Variants in PCSK2 observed in about 807,000 individuals in gnomAD.
The protein encoded by PCSK2 is proprotein convertase subtilisin/kexin type 2, also known as neuroendocrine convertase 2.
PCSK2 carries 14 observed loss-of-function variants against 69.7 expected under a neutral mutation model. That is an observed-to-expected ratio of 0.20 (90% CI 0.13 to 0.31). The LOEUF is 0.31. Ranked by LOEUF, PCSK2 falls within the 10% of genes least tolerant of loss-of-function variation. PCSK2 has a pLI of 1.00. For missense variants in PCSK2, 544 were observed against 842.5 expected (o/e 0.65, Z 4.39); for synonymous variants, 307 against 320.7 (o/e 0.96, Z 0.46).
intron 2 of PCSK2, among the ~76,000 whole-genome samples, chr20:17,349,691 C>T (rs915507971): frequency 6.6e-6 from 1 of 152,202 alleles, no homozygotes; most frequent in Non-Finnish European, 1.5e-5. Flanking sequence ...ATAATAAAGG[C>T]AAGGTATCTT....
At chr20:17,298,856 T>C (rs758822424) in intron 2 of PCSK2, among the ~76,000 whole-genome samples, 2 of 152,180 alleles carry the variant, frequency 1.3e-5, no homozygotes, top group Admixed American at 6.5e-5. Flanking sequence ...AATATTTTTC[T>C]TGTAGATGTT....
At chr20:17,303,736 C>A (rs888214375) in intron 2 of PCSK2, among the ~76,000 whole-genome samples, 3 of 146,806 alleles carry the variant, frequency 2.0e-5, no homozygotes, top group African/African-American at 7.5e-5. Context: ...GCCACCCCAC[C>A]CATCTAATTT....
Position 17,260,363 on chromosome 20 carries a change from C to A in PCSK2, c.282+19C>A. 1.3e-6 allele frequency: 2 copies of A among 1,532,428 alleles called. No individual in the cohort carries two copies. The highest frequency in any genetic ancestry group is 1.1e-5 in the South Asian group (1 of 89,444). The allele number at this position is 1,532,428 out of a possible 1,614,324, so 94.9% of individuals were successfully genotyped here. ...CCCCAGGGTGAGTTTTCCCCAGAAA[C>A]CTGCCTCCCAATCTCTGCTGCCATG... On this transcript the variant is annotated intron_variant, in intron 2 of 11. Transcript: ENST00000262545.
rs774361715 is a variant in PCSK2 at position 17,433,812 on chromosome 20, T to TCTCTCTCTCCCC, written c.710-2895_710-2894insTCTCTCTCCCCC. The stretch of plus-strand genomic sequence containing the variant: ...CTCTCTCTCTCTCTCTCTCTCTCTC[T>TCTCTCTCTCCCC]CCCCCCACTTCCTTCCCTCCTCCTC... On this transcript the variant is annotated intron_variant, in intron 7 of 11. Coordinates refer to ENST00000262545, the MANE Select transcript of PCSK2 (RefSeq NM_002594.5). Among the ~76,000 whole-genome samples the TCTCTCTCTCCCC allele has an allele frequency of 8.4e-4, 87 of 104,166 alleles. 1 individual carries two copies. The highest frequency in any genetic ancestry group is 3.5e-3 in the African/African-American group (84 of 24,290). 68.3% of individuals were successfully genotyped at this position (104,166 alleles called of 152,430 possible).
rs953647251 is a variant in PCSK2 at position 17,358,317 on chromosome 20, G to T, written c.283-10G>T. 4 of 1,500,748 alleles carry T rather than the reference G, an allele frequency of 2.7e-6. No individual in the cohort carries two copies. The African/African-American group carries it at 5.5e-5, about 21-fold the overall frequency. The allele number at this position is 1,500,748 out of a possible 1,614,324, so 93.0% of individuals were successfully genotyped here. A position where few individuals can be genotyped will look rare whatever the true frequency, so the allele number is the denominator to read the frequency against. On this transcript the variant is annotated splice_polypyrimidine_tract_variant and intron_variant, in intron 2 of 11. Coordinates refer to ENST00000262545, the MANE Select transcript of PCSK2 (RefSeq NM_002594.5). ...TATATTCAGGTAATATGTCAGCATT[G>T]TCATTCCAGGTAAAGATGGCTTTGC...
intron 6 of PCSK2, among the ~76,000 whole-genome samples, chr20:17,410,647 T>C (rs2031850794): frequency 1.3e-5 from 2 of 152,226 alleles, no homozygotes; most frequent in African/African-American, 2.4e-5. Context: ...AGGATGAGAA[T>C]GTATAAAAAA....
intron 1 of PCSK2, among the ~76,000 whole-genome samples, chr20:17,239,044 G>A (rs959593021): frequency 2.0e-5 from 3 of 152,160 alleles, no homozygotes; most frequent in Admixed American, 6.5e-5. Flanking sequence ...GCTAGGAAGG[G>A]TTATAGGAAC....
intron 1 of PCSK2, among the ~76,000 whole-genome samples, chr20:17,233,405 G>A (rs34885226): frequency 0.059 from 8,971 of 152,186 alleles, 309 homozygotes; most frequent in Middle Eastern, 0.16. Flanking sequence ...AAGTAGCTGT[G>A]GGTTATACTT....
chr20:17,287,588 A>G (rs1403784161), intron 2 of PCSK2, among the ~76,000 whole-genome samples: 1 of 152,100 alleles, frequency 6.6e-6, no homozygotes, highest in East Asian at 1.9e-4. Flanking sequence ...ATGCAATTTT[A>G]TTTTATAACT....
intron 3 of PCSK2, 87 bp downstream of exon 3, chr20:17,358,527 A>T: frequency 2.6e-6 from 2 of 775,284 alleles, no homozygotes; most frequent in East Asian, 2.6e-5. Flanking sequence ...ATTCACTAGG[A>T]TGTTAGCCAG....
chr20:17,277,576 G>A (rs1988132761), intron 2 of PCSK2, among the ~76,000 whole-genome samples: 1 of 151,380 alleles, frequency 6.6e-6, no homozygotes, highest in South Asian at 2.1e-4. Flanking sequence ...ATTCAAGATG[G>A]ATTAAAGACT....
intron 5 of PCSK2, among the ~76,000 whole-genome samples, chr20:17,403,903 G>T (rs141835391): frequency 6.6e-6 from 1 of 152,300 alleles, no homozygotes; most frequent in African/African-American, 2.4e-5. Context: ...TGTGCTTCGT[G>T]GACATGCTAG....
chr20:17,353,989 G>C (rs747683892), intron 2 of PCSK2, among the ~76,000 whole-genome samples: 1 of 152,178 alleles, frequency 6.6e-6, no homozygotes, highest in Non-Finnish European at 1.5e-5. Flanking sequence ...AGACAATGGG[G>C]ACTACTAGAA....
intron 1 of PCSK2, among the ~76,000 whole-genome samples, chr20:17,257,657 C>T (rs1196708475): frequency 6.6e-6 from 1 of 152,120 alleles, no homozygotes; most frequent in Non-Finnish European, 1.5e-5. Context: ...CTAAGGGGCT[C>T]TGTTGTGTAT....
intron 5 of PCSK2, among the ~76,000 whole-genome samples, chr20:17,389,088 T>C (rs1414323409): frequency 1.3e-5 from 2 of 151,890 alleles, no homozygotes; most frequent in Non-Finnish European, 2.9e-5. Flanking sequence ...TGTGCTTTTA[T>C]TTATTTAATC....
intron 2 of PCSK2, among the ~76,000 whole-genome samples, chr20:17,324,933 C>T (rs903994665): frequency 6.6e-6 from 1 of 152,168 alleles, no homozygotes; most frequent in African/African-American, 2.4e-5. Context: ...CCCTACCAGG[C>T]TTTGTGCAGT....
At chr20:17,374,106 A>G (rs141234151) in intron 5 of PCSK2, among the ~76,000 whole-genome samples, 1 of 152,326 alleles carries the variant, frequency 6.6e-6, no homozygotes, top group African/African-American at 2.4e-5. Flanking sequence ...ATAACTGGGT[A>G]TTTTCTCTAA....
intron 2 of PCSK2, among the ~76,000 whole-genome samples, chr20:17,295,244 A>C (rs372579180): frequency 6.8e-6 from 1 of 146,564 alleles, no homozygotes; most frequent in Non-Finnish European, 1.5e-5. Flanking sequence ...ACACACACAC[A>C]CCTCTCTCAA....
At chr20:17,394,484 A>G (rs1189702605) in intron 5 of PCSK2, among the ~76,000 whole-genome samples, 1 of 152,158 alleles carries the variant, frequency 6.6e-6, no homozygotes, top group Non-Finnish European at 1.5e-5. Context: ...TGGAAAAGTG[A>G]GGGACATCTA....
Sources: gnomAD v4.1 joint callset for allele counts (sites outside exome capture counted in the v4.1 genomes callset) on GRCh38, gnomAD v4.1.1 for gene constraint, MANE v1.5 for transcripts, NCBI Gene and HGNC (gene_info 2026-07-23, HGNC 2026-07-21) for gene names.